The following IMPG1 variants were observed in gnomAD, a reference collection of about 807,000 sequenced individuals.
The protein encoded by IMPG1 is interphotoreceptor matrix proteoglycan 1, also known as interphotoreceptor matrix proteoglycan of 150 kDa.
IMPG1 carries 85 observed loss-of-function variants against 92.0 expected under a neutral mutation model. That is an observed-to-expected ratio of 0.92 (90% CI 0.78 to 1.11). The LOEUF (loss-of-function observed/expected upper bound fraction) is 1.11. Among genes scored for constraint, IMPG1 ranks in the 50% least tolerant of loss-of-function variants. The pLI, the probability that IMPG1 is intolerant of heterozygous loss-of-function variation, is 0.00. For missense variants in IMPG1, 1,022 were observed against 956.0 expected (o/e 1.07, Z -0.91); for synonymous variants, 367 against 334.1 (o/e 1.10, Z -1.08).
chr6:75,928,545 G>GAT (rs1333341149), intron 15 of IMPG1: 1 of 152,118 alleles, frequency 6.6e-6, no homozygotes, highest in Admixed American at 6.6e-5. Flanking sequence ...TCTCTCAACT[G>GAT]ATTGTTTACA....
At chr6:75,989,845 TAATAA>T (rs374453418) in intron 12 of IMPG1, among the ~76,000 whole-genome samples, 1 of 152,086 alleles carries the variant, frequency 6.6e-6, no homozygotes, top group Non-Finnish European at 1.5e-5. Flanking sequence ...TTGGTCTCAA[TAATAA>T]AATAAAATAA....
At chr6:76,059,412 T>TA (rs1784168771) in intron 1 of IMPG1, among the ~76,000 whole-genome samples, 2 of 150,046 alleles carry the variant, frequency 1.3e-5, no homozygotes. Context: ...CTTTTTTTTT[T>TA]AAGTGAAAAA....
intron 12 of IMPG1, among the ~76,000 whole-genome samples, chr6:75,956,333 A>G (rs1263493936): frequency 1.3e-5 from 2 of 152,114 alleles, no homozygotes; most frequent in African/African-American, 2.4e-5. Flanking sequence ...GGGAGGGTGT[A>G]TGTGTCCAGG....
intron 12 of IMPG1, among the ~76,000 whole-genome samples, chr6:75,991,698 T>A (rs1323144698): frequency 6.6e-6 from 1 of 152,188 alleles, no homozygotes; most frequent in Non-Finnish European, 1.5e-5. Flanking sequence ...TCCTTCCAGT[T>A]CCTCAAGAAT....
Position 76,011,157 on chromosome 6 carries a change from C to A in IMPG1, c.866+9G>T. 7.1e-7 allele frequency: 1 copy of A among 1,412,488 alleles called. No homozygotes were observed. The allele number at this position is 1,412,488 out of a possible 1,614,324, so 87.5% of individuals were successfully genotyped here. A position where few individuals can be genotyped will look rare whatever the true frequency, so the allele number is the denominator to read the frequency against. On this transcript the variant is annotated intron_variant, in intron 8 of 16. Coordinates refer to ENST00000369950, the MANE Select transcript of IMPG1 (RefSeq NM_001563.4). ...TAAAAATTGAGAAGAGTTTGATTCT[C>A]TTACTTACCTAAATCCTAACACATG...
chr6:76,018,664 T>G (rs1783340632), intron 7 of IMPG1, 54 bp downstream of exon 7: 1 of 1,543,482 alleles, frequency 6.5e-7, no homozygotes, highest in East Asian at 2.3e-5. Context: ...TCCTATCGGC[T>G]CCCACCTCTC....
chr6:75,964,575 G>T (rs1405302807), intron 12 of IMPG1, among the ~76,000 whole-genome samples: 1 of 150,944 alleles, frequency 6.6e-6, no homozygotes, highest in African/African-American at 2.4e-5. Context: ...TACTCAGGAG[G>T]CTGAGGCATA....
rs117513349 is a variant in IMPG1 at position 76,070,623 on chromosome 6, C to T, written c.67+1799G>A. ...AATATCGTTATATATTAATGGAATG[C>T]TACTCAGCCAAAAAAATGAATGAAA... On this transcript the variant is annotated intron_variant, in intron 1 of 16. Coordinates refer to ENST00000369950, the MANE Select transcript of IMPG1 (RefSeq NM_001563.4). 1.4e-3 allele frequency among the ~76,000 whole-genome samples: 217 copies of T among 152,190 alleles called. 3 individuals are homozygous for T. In the East Asian group the frequency reaches 0.031, roughly 22 times the overall value.
chr6:76,056,867 G>A (rs972745002), intron 1 of IMPG1, among the ~76,000 whole-genome samples: 2 of 152,026 alleles, frequency 1.3e-5, no homozygotes, highest in African/African-American at 2.4e-5. Context: ...ATTGGGTTGT[G>A]TTATAACAAA....
intron 12 of IMPG1, among the ~76,000 whole-genome samples, chr6:75,989,200 T>C (rs1782773374): frequency 6.6e-6 from 1 of 152,188 alleles, no homozygotes. Context: ...GCGATCCTCC[T>C]GCCTCAGCCC....
intron 14 of IMPG1, among the ~76,000 whole-genome samples, 176 bp downstream of exon 14, chr6:75,947,137 GT>G (rs1781939892): frequency 6.6e-6 from 1 of 152,192 alleles, no homozygotes; most frequent in African/African-American, 2.4e-5. Context: ...TAACTTGCAT[GT>G]CTTTGGACTC....
intron 1 of IMPG1, among the ~76,000 whole-genome samples, chr6:76,047,498 G>T (rs932146058): frequency 6.6e-6 from 1 of 152,252 alleles, no homozygotes; most frequent in Admixed American, 6.5e-5. Flanking sequence ...CATGAAACTT[G>T]TGTTGTAGTG....
intron 14 of IMPG1, among the ~76,000 whole-genome samples, chr6:75,944,081 G>GTCC (rs1351538834): frequency 6.6e-6 from 1 of 152,204 alleles, no homozygotes; most frequent in African/African-American, 2.4e-5. Context: ...GATGGTCAAT[G>GTCC]TCCTGATCAT....
chr6:75,974,923 C>T (rs73466815), intron 12 of IMPG1, among the ~76,000 whole-genome samples: 130 of 152,272 alleles, frequency 8.5e-4, no homozygotes, highest in African/African-American at 2.9e-3. Context: ...GGTTTTTATG[C>T]AGTGTTGTTT....
Position 75,923,683 on chromosome 6 carries a change from T to A in IMPG1, c.2267A>T (p.Gln756Leu). The A allele has an allele frequency of 6.3e-7, 1 of 1,597,200 alleles. No homozygotes were observed. Among genetic ancestry groups the A allele is most frequent in the South Asian group, 1.1e-5 (1 of 90,296 alleles). The change falls in exon 16 of 17, where the codon CAA becomes CTA. Residue 756 changes from glutamine (Q) to leucine (L), a missense_variant. Around this residue, in one of 3 missense-constraint regions of IMPG1, gnomAD observed 332 missense variants for 346.2 expected, o/e 0.96. Transcript: ENST00000369950. ...CTTTTTAACACTAGTTTTGTATGCT[T>A]GATTTTCAGAGTGATCTGGCAACCT... is the stretch of plus-strand genomic sequence containing the variant. ...PCRLPDHSEN[Q>L]AYKTSVKKFQ... is the part of the protein sequence containing the mutation.
Position 75,947,370 on chromosome 6 carries a change from G to A in IMPG1, c.1988C>T (p.Ala663Val). The A allele has an allele frequency of 6.2e-7, 1 of 1,613,996 alleles. No individual in the cohort carries two copies. The highest frequency in any genetic ancestry group is 8.5e-7 in the Non-Finnish European group (1 of 1,179,914). ...VHGVLEDFRS[A>V]AAQQLHLEID... The stretch of plus-strand genomic sequence containing the variant: ...TTCCAGATGGAGTTGTTGGGCTGCA[G>A]CAGAACGAAAATCCTCCAAGACCCC... The change falls in exon 14 of 17, where the codon GCT becomes GTT. Residue 663 changes from alanine (A) to valine (V), a missense_variant. Coordinates refer to ENST00000369950, the MANE Select transcript of IMPG1 (RefSeq NM_001563.4).
At chr6:75,975,330 T>C (rs1032838131) in intron 12 of IMPG1, among the ~76,000 whole-genome samples, 5 of 152,216 alleles carry the variant, frequency 3.3e-5, no homozygotes, top group Admixed American at 2.0e-4. Context: ...TCAGTTCTGA[T>C]CAGGACATAT....
chr6:76,003,839 T>G (rs757449735), intron 11 of IMPG1, 35 bp downstream of exon 11: 1 of 1,505,590 alleles, frequency 6.6e-7, no homozygotes, highest in South Asian at 1.1e-5. Flanking sequence ...TGAGACTTTG[T>G]TCCTAGTTAA....
At chr6:76,060,461 A>G (rs775424825) in intron 1 of IMPG1, among the ~76,000 whole-genome samples, 6 of 152,184 alleles carry the variant, frequency 3.9e-5, no homozygotes, top group Non-Finnish European at 5.9e-5. Flanking sequence ...GGGCTGTGCC[A>G]ATCAACCTCA....
Sources: gnomAD v4.1 joint callset for allele counts (sites outside exome capture counted in the v4.1 genomes callset) on GRCh38, gnomAD v4.1.1 for gene constraint, gnomAD v4.1.1 regional missense constraint, MANE v1.5 for transcripts, NCBI Gene and HGNC (gene_info 2026-07-23, HGNC 2026-07-21) for gene names.